GALNT13: variants seen among roughly 807,000 people sequenced by gnomAD.
GALNT13 encodes UDP-GalNAc:polypeptide N-acetylgalactosaminyltransferase 13.
A neutral mutation model predicts 64.2 loss-of-function variants in GALNT13; 28 were observed. The observed-to-expected ratio is 0.44, with a 90% CI of 0.32 to 0.60. GALNT13 has a LOEUF of 0.60. Ranked by LOEUF, GALNT13 falls within the 20% of genes least tolerant of loss-of-function variation. The pLI, the probability that GALNT13 is intolerant of heterozygous loss-of-function variation, is 0.05. For missense variants in GALNT13, 577 were observed against 669.8 expected, an observed-to-expected ratio of 0.86 and a Z score of 1.53; for synonymous variants, 214 against 224.6, an observed-to-expected ratio of 0.95 and a Z score of 0.42.
rs115164785 is a variant in GALNT13, at chr2:154,423,562, C to G, written c.1395+14480C>G. Among the ~76,000 whole-genome samples, 401 of 152,316 alleles carry G rather than the reference C, an allele frequency of 2.6e-3. 2 individuals carry two copies. Among genetic ancestry groups the G allele is most frequent in the Non-Finnish European group, 4.7e-3 (318 of 68,022 alleles). ...AAGCATTCCTATTTCTCCACATCCT[C>G]TTCGAGCTGGACTTATTTTTTAAAT... On this transcript the variant is annotated intron_variant, in intron 11 of 12. Transcript: ENST00000392825.
chr2:153,916,491 G>A (rs1689356831), intron 2 of GALNT13, among the ~76,000 whole-genome samples: 1 of 146,108 alleles, frequency 6.8e-6, no homozygotes, highest in African/African-American at 2.5e-5. Flanking sequence ...GATGGAGTGA[G>A]TTAAAATGCA....
intron 9 of GALNT13, among the ~76,000 whole-genome samples, chr2:154,390,226 GAC>G (rs1453123487): frequency 5.3e-5 from 8 of 152,124 alleles, no homozygotes; most frequent in African/African-American, 1.9e-4. Flanking sequence ...ATGAATAAAA[GAC>G]AGATTTTTTT....
chr2:154,422,794 G>A (rs1421599773), intron 11 of GALNT13, among the ~76,000 whole-genome samples: 1 of 152,078 alleles, frequency 6.6e-6, no homozygotes, highest in Non-Finnish European at 1.5e-5. Flanking sequence ...ACACATTACT[G>A]AGAGCAAGTG....
intron 4 of GALNT13, among the ~76,000 whole-genome samples, chr2:154,158,920 A>G (rs1684577396): frequency 6.6e-6 from 1 of 152,092 alleles, no homozygotes; most frequent in Admixed American, 6.6e-5. Flanking sequence ...TGGCCACATT[A>G]TATAAAATTA....
the GALNT13 span, among the ~76,000 whole-genome samples, chr2:153,667,858 C>G: frequency 6.6e-6 from 1 of 152,066 alleles, no homozygotes; most frequent in African/African-American, 2.4e-5. Context: ...TAAGACTCAA[C>G]TGTATGCTGT....
intron 3 of GALNT13, among the ~76,000 whole-genome samples, chr2:154,099,198 T>C (rs11898230): frequency 0.05 from 7,645 of 152,254 alleles, 378 homozygotes; most frequent in African/African-American, 0.13. Context: ...TCATTTTTAT[T>C]GGCTGCTTGC....
intron 11 of GALNT13, among the ~76,000 whole-genome samples, chr2:154,419,757 G>A (rs1461021695): frequency 6.6e-6 from 1 of 152,060 alleles, no homozygotes; most frequent in Non-Finnish European, 1.5e-5. Context: ...GATAAGAAAA[G>A]CAGTACATGG....
intron 2 of GALNT13, among the ~76,000 whole-genome samples, chr2:153,929,675 G>A (rs1690376865): frequency 1.3e-5 from 2 of 152,002 alleles, no homozygotes; most frequent in Non-Finnish European, 2.9e-5. Flanking sequence ...CAAAAGACAC[G>A]GTTTCATTCT....
intron 4 of GALNT13, among the ~76,000 whole-genome samples, chr2:154,177,718 A>G (rs1261728327): frequency 1.3e-5 from 2 of 152,196 alleles, no homozygotes; most frequent in African/African-American, 4.8e-5. Context: ...CTGTAAACCT[A>G]AAAGTAAAAA....
chr2:153,214,950 A>G, the GALNT13 span, among the ~76,000 whole-genome samples: 1 of 152,032 alleles, frequency 6.6e-6, no homozygotes, highest in Non-Finnish European at 1.5e-5. Flanking sequence ...CTAAGCTAAG[A>G]TGATCTTTTG....
At chr2:153,354,572 G>C in the GALNT13 span, among the ~76,000 whole-genome samples, 1 of 152,168 alleles carries the variant, frequency 6.6e-6, no homozygotes, top group Non-Finnish European at 1.5e-5. Flanking sequence ...AACTTTATAA[G>C]GGATGCTACA....
chr2:154,207,367 A>G (rs184158946), intron 4 of GALNT13, among the ~76,000 whole-genome samples: 60 of 152,158 alleles, frequency 3.9e-4, no homozygotes, highest in African/African-American at 1.4e-3. Flanking sequence ...ATTATGTATC[A>G]TTTCCGTACC....
upstream of GALNT13, among the ~76,000 whole-genome samples, chr2:153,871,600 G>T (rs563184601): frequency 2.0e-5 from 3 of 152,284 alleles, no homozygotes; most frequent in South Asian, 6.2e-4. Context: ...AGCGGCCAGG[G>T]GTCGCGAGGC....
At chr2:153,248,539 G>GC in the GALNT13 span, among the ~76,000 whole-genome samples, 1 of 151,482 alleles carries the variant, frequency 6.6e-6, no homozygotes, top group Non-Finnish European at 1.5e-5. Context: ...CCTCGGCCGG[G>GC]CGTGGTGGCT....
chr2:154,363,005 A>G (rs1697162064), intron 9 of GALNT13, among the ~76,000 whole-genome samples: 1 of 107,426 alleles, frequency 9.3e-6, no homozygotes, highest in African/African-American at 3.1e-5. Flanking sequence ...TGCATTGTAC[A>G]CTGTTTTGCT....
the GALNT13 span, among the ~76,000 whole-genome samples, chr2:153,773,575 C>T: frequency 2.0e-5 from 3 of 152,020 alleles, no homozygotes; most frequent in Admixed American, 1.3e-4. Flanking sequence ...AAAAGATTTC[C>T]CCTCTTTTTC....
the GALNT13 span, among the ~76,000 whole-genome samples, chr2:153,584,325 G>A: frequency 0.013 from 1,904 of 152,182 alleles, 37 homozygotes; most frequent in African/African-American, 0.043. Context: ...ACAGTATTCA[G>A]GTTCTTGGGT....
At chr2:154,287,329 T>G (rs1692327558) in intron 8 of GALNT13, 3 of 616,256 alleles carry the variant, frequency 4.9e-6, no homozygotes, top group Non-Finnish European at 9.0e-6. Flanking sequence ...GCTGTGTAAG[T>G]TGGAAGCAGC....
the GALNT13 span, among the ~76,000 whole-genome samples, chr2:153,540,836 G>T: frequency 6.6e-6 from 1 of 152,178 alleles, no homozygotes; most frequent in Non-Finnish European, 1.5e-5. Flanking sequence ...CCCAATATCT[G>T]TACCCCCATT....
Sources: gnomAD v4.1 joint callset for allele counts (sites outside exome capture counted in the v4.1 genomes callset) on GRCh38, gnomAD v4.1.1 for gene constraint, MANE v1.5 for transcripts, NCBI Gene and HGNC (gene_info 2026-07-23, HGNC 2026-07-21) for gene names.